Variants in MICU1 observed in about 807,000 individuals in gnomAD.
MICU1 encodes calcium uptake protein 1, mitochondrial.
A neutral mutation model predicts 56.8 loss-of-function variants in MICU1; 45 were observed. The ratio of observed to expected loss-of-function variants is 0.79; its 90% CI spans 0.62 to 1.02. The LOEUF (loss-of-function observed/expected upper bound fraction) is 1.02, where lower values mean the gene tolerates loss of function less well. Among genes scored for constraint, MICU1 ranks in the 50% least tolerant of loss-of-function variants. The probability of loss-of-function intolerance (pLI) is 0.00; values close to 1 mark genes in which losing one functional copy is unlikely to be tolerated. For missense variants in MICU1, 504 were observed against 587.1 expected (o/e 0.86, Z 1.46); for synonymous variants, 186 against 195.1 (o/e 0.95, Z 0.39).
At chr10:72,431,098 A>G (rs78392189) in intron 8 of MICU1, among the ~76,000 whole-genome samples, 185 of 113,958 alleles carry the variant, frequency 1.6e-3, no homozygotes, top group Middle Eastern at 7.8e-3. Context: ...CTGTCTGTCT[A>G]TCTATCTATC....
At chr10:72,446,556 T>C (rs925490678) in intron 8 of MICU1, among the ~76,000 whole-genome samples, 12 of 152,188 alleles carry the variant, frequency 7.9e-5, no homozygotes, top group Admixed American at 2.0e-4. Context: ...CTCGAACTCC[T>C]GACCTCAAGT....
At chr10:72,536,423 T>C (rs1260365250) in intron 4 of MICU1, among the ~76,000 whole-genome samples, 1 of 152,130 alleles carries the variant, frequency 6.6e-6, no homozygotes, top group Non-Finnish European at 1.5e-5. Flanking sequence ...CTCGGCTCAC[T>C]GCAACCTCCA....
At chr10:72,468,679 T>G (rs994074252) in intron 8 of MICU1, among the ~76,000 whole-genome samples, 1 of 152,072 alleles carries the variant, frequency 6.6e-6, no homozygotes, top group African/African-American at 2.4e-5. Flanking sequence ...CAGCAGCTAA[T>G]AATTCTTGTG....
chr10:72,500,277 TATATATATATATATATATATA>T (rs1564904507), intron 6 of MICU1, among the ~76,000 whole-genome samples: 2 of 8,984 alleles, frequency 2.2e-4, no homozygotes, highest in East Asian at 3.7e-3. Flanking sequence ...TATATATATA[TATATATATATATATATATATA>T]TATATTTTTT....
intron 6 of MICU1, among the ~76,000 whole-genome samples, chr10:72,506,304 G>A (rs1170376302): frequency 1.3e-5 from 2 of 152,142 alleles, no homozygotes; most frequent in Non-Finnish European, 2.9e-5. Flanking sequence ...CTGACATTTG[G>A]AAAGATATGA....
At chr10:72,464,933 G>A (rs1308632272) in intron 8 of MICU1, among the ~76,000 whole-genome samples, 1 of 152,134 alleles carries the variant, frequency 6.6e-6, no homozygotes, top group African/African-American at 2.4e-5. Context: ...TGTATATATA[G>A]AGAAAATAGA....
At position 72,483,685 on chromosome 10, in the gene MICU1, T is replaced by C. The variant is rs572568733; in HGVS notation, c.653-6429A>G. On this transcript the variant is annotated intron_variant, in intron 6 of 11. Transcript: ENST00000361114. ...GACAGTCATGCGCTCGCCCAGAGGA[T>C]TCTGATTCTGTGGTTGTCACCTGCA... The C allele has an allele frequency of 1.0e-4, 16 of 158,528 alleles. 1 individual carries two copies. In the South Asian group the frequency reaches 1.9e-3, roughly 19 times the overall value. 9.8% of individuals were successfully genotyped at this position (158,528 alleles called of 1,614,324 possible). A position where few individuals can be genotyped will look rare whatever the true frequency, so the allele number is the denominator to read the frequency against.
chr10:72,590,557 T>C (rs1334945281), intron 1 of MICU1, among the ~76,000 whole-genome samples: 1 of 152,120 alleles, frequency 6.6e-6, no homozygotes, highest in Admixed American at 6.6e-5. Context: ...ACACCTGTAA[T>C]CCCAGCACTT....
intron 2 of MICU1, among the ~76,000 whole-genome samples, chr10:72,563,606 T>C (rs181551239): frequency 4.6e-5 from 7 of 152,316 alleles, no homozygotes; most frequent in Admixed American, 2.0e-4. Context: ...CTTGAATAAG[T>C]AGAGTTTCAG....
At chr10:72,475,320 T>G (rs779373979) in intron 7 of MICU1, 23 bp from the exon 8 acceptor site, 5 of 1,551,048 alleles carry the variant, frequency 3.2e-6, no homozygotes, top group Non-Finnish European at 4.4e-6. Flanking sequence ...CAAACCCACA[T>G]CCAGAAAAAT....
intron 4 of MICU1, among the ~76,000 whole-genome samples, chr10:72,539,958 T>G (rs1839729510): frequency 6.6e-6 from 1 of 152,238 alleles, no homozygotes; most frequent in Non-Finnish European, 1.5e-5. Context: ...CAAGTCCAGT[T>G]CCAGGTATAT....
At chr10:72,468,746 T>C (rs1865868403) in intron 8 of MICU1, among the ~76,000 whole-genome samples, 1 of 152,190 alleles carries the variant, frequency 6.6e-6, no homozygotes, top group Non-Finnish European at 1.5e-5. Context: ...AAAAGAACAG[T>C]GTATTTCTCC....
intron 1 of MICU1, among the ~76,000 whole-genome samples, chr10:72,619,778 C>A (rs191194176): frequency 6.6e-6 from 1 of 152,122 alleles, no homozygotes; most frequent in African/African-American, 2.4e-5. Context: ...TAACGATGAA[C>A]GGCAGCTCAC....
intron 10 of MICU1, among the ~76,000 whole-genome samples, chr10:72,398,069 T>A (rs1863327602): frequency 6.6e-6 from 1 of 152,080 alleles, no homozygotes; most frequent in South Asian, 2.1e-4. Context: ...AGAACAGAAA[T>A]CACAACAAAC....
At chr10:72,460,089 G>A (rs1390284610) in intron 8 of MICU1, among the ~76,000 whole-genome samples, 1 of 152,108 alleles carries the variant, frequency 6.6e-6, no homozygotes, top group African/African-American at 2.4e-5. Flanking sequence ...ATCCAAATCT[G>A]ATTATGCCAC....
At chr10:72,460,602 A>G (rs1865610612) in intron 8 of MICU1, among the ~76,000 whole-genome samples, 1 of 152,090 alleles carries the variant, frequency 6.6e-6, no homozygotes, top group Non-Finnish European at 1.5e-5. Flanking sequence ...GTAATTTATG[A>G]CCCTTTAAAG....
intron 6 of MICU1, among the ~76,000 whole-genome samples, chr10:72,503,548 A>C (rs1343006116): frequency 6.6e-6 from 1 of 152,172 alleles, no homozygotes; most frequent in Admixed American, 6.6e-5. Context: ...CCTGCCCAAA[A>C]TATCAACAGT....
At chr10:72,619,059 T>TA (rs1272332922) in intron 1 of MICU1, among the ~76,000 whole-genome samples, 2 of 152,252 alleles carry the variant, frequency 1.3e-5, no homozygotes, top group African/African-American at 4.8e-5. Context: ...TGTGTCCAGA[T>TA]AAATTCTCTA....
intron 5 of MICU1, among the ~76,000 whole-genome samples, chr10:72,526,899 A>G (rs987545056): frequency 6.7e-6 from 1 of 149,724 alleles, no homozygotes. Context: ...TTTCAAATAC[A>G]GGTGACAGTG....
Sources: gnomAD v4.1 joint callset for allele counts (sites outside exome capture counted in the v4.1 genomes callset) on GRCh38, gnomAD v4.1.1 for gene constraint, MANE v1.5 for transcripts, NCBI Gene and HGNC (gene_info 2026-07-23, HGNC 2026-07-21) for gene names.